The following PDE1C variants were observed in gnomAD, a reference collection of about 807,000 sequenced individuals.
PDE1C encodes dual specificity calcium/calmodulin-dependent 3',5'-cyclic nucleotide phosphodiesterase 1C.
In PDE1C, 62 loss-of-function variants were observed where a neutral mutation model predicts 93.1. The observed-to-expected ratio is 0.67, with a 90% CI of 0.54 to 0.82. The LOEUF is 0.82. Ranked by LOEUF, PDE1C falls within the 40% of genes least tolerant of loss-of-function variation. The probability of loss-of-function intolerance (pLI) is 0.00; values close to 1 mark genes in which losing one functional copy is unlikely to be tolerated. For missense variants in PDE1C, 742 were observed against 884.6 expected, an observed-to-expected ratio of 0.84 and a Z score of 2.04; for synonymous variants, 325 against 310.1, an observed-to-expected ratio of 1.05 and a Z score of -0.50.
intron 6 of PDE1C, among the ~76,000 whole-genome samples, chr7:31,867,108 A>G (rs1021278491): frequency 2.0e-5 from 3 of 152,092 alleles, no homozygotes; most frequent in African/African-American, 7.2e-5. Context: ...CTCTGCCTGC[A>G]GCCACAACTG....
chr7:32,051,791 A>G (rs982346470), intron 1 of PDE1C, among the ~76,000 whole-genome samples: 6 of 152,136 alleles, frequency 3.9e-5, no homozygotes, highest in African/African-American at 1.4e-4. Flanking sequence ...TTAGTAAAAA[A>G]TAGCATCCCA....
intron 2 of PDE1C, among the ~76,000 whole-genome samples, chr7:32,037,646 A>G (rs1791285476): frequency 6.6e-6 from 1 of 152,192 alleles, no homozygotes; most frequent in Admixed American, 6.5e-5. Context: ...TCTTTATCCA[A>G]GAACTTAATA....
intron 1 of PDE1C, among the ~76,000 whole-genome samples, chr7:32,247,730 G>T (rs1809072676): frequency 6.6e-6 from 1 of 152,192 alleles, no homozygotes; most frequent in Non-Finnish European, 1.5e-5. Flanking sequence ...CGGTTTAGAT[G>T]ATTTTGCCCA....
intron 3 of PDE1C, among the ~76,000 whole-genome samples, chr7:32,129,085 C>A (rs1799770621): frequency 6.6e-6 from 1 of 150,690 alleles, no homozygotes; most frequent in Admixed American, 6.6e-5. Flanking sequence ...GAATTATTTT[C>A]TACAAAAATA....
intron 8 of PDE1C, among the ~76,000 whole-genome samples, chr7:31,850,137 G>T (rs980504698): frequency 2.0e-5 from 3 of 152,058 alleles, no homozygotes; most frequent in African/African-American, 7.2e-5. Context: ...TACTCCCGGG[G>T]CCCTGTGCCA....
chr7:31,712,962 T>C, the PDE1C span, among the ~76,000 whole-genome samples: 2 of 152,070 alleles, frequency 1.3e-5, no homozygotes, highest in African/African-American at 4.8e-5. Context: ...AAGATGAGAT[T>C]TGGGGGGGAC....
intron 2 of PDE1C, among the ~76,000 whole-genome samples, chr7:32,036,217 C>T (rs1791067010): frequency 6.6e-6 from 1 of 152,134 alleles, no homozygotes; most frequent in Admixed American, 6.6e-5. Flanking sequence ...TCTAAACTAC[C>T]AGGTCAGCTA....
chr7:31,968,092 T>C (rs4397295), intron 2 of PDE1C, among the ~76,000 whole-genome samples: 60,861 of 151,752 alleles, frequency 0.4, 12,701 homozygotes, highest in Admixed American at 0.51. Context: ...CAACATAGTG[T>C]TGGAAGTTCT....
In PDE1C at chr7:31,794,073, C is replaced by CAGAT. The variant is rs1403714502; in HGVS notation, c.1891+14957_1891+14958insATCT. 5.2e-4 allele frequency among the ~76,000 whole-genome samples: 70 copies of CAGAT among 134,128 alleles called. 1 individual carries two copies. Among genetic ancestry groups the CAGAT allele is most frequent in the South Asian group, 7.9e-4 (3 of 3,814 alleles). 88.0% of individuals were successfully genotyped at this position (134,128 alleles called of 152,430 possible). On this transcript the variant is annotated intron_variant, in intron 16 of 17. Coordinates refer to ENST00000396191, the MANE Select transcript of PDE1C (RefSeq NM_001191057.4). ...ACAGACAGACAGACAGACAGACAGACAGACAGACAGACAGACAGATAGATA... is the reference window on the plus strand; with the variant it reads ...ACAGACAGACAGACAGACAGACAGACAGATAGACAGACAGACAGACAGATAGATA...
chr7:32,153,267 T>C (rs1801370530), intron 3 of PDE1C, among the ~76,000 whole-genome samples: 2 of 152,178 alleles, frequency 1.3e-5, no homozygotes, highest in South Asian at 2.1e-4. Flanking sequence ...CATGGACATA[T>C]GGCATCTCGT....
At chr7:32,400,994 C>T (rs60762465) in intron 1 of PDE1C, among the ~76,000 whole-genome samples, 5,899 of 152,270 alleles carry the variant, frequency 0.039, 278 homozygotes, top group African/African-American at 0.12. Flanking sequence ...ATGTGTTTTC[C>T]ATCCAAGCTC....
At chr7:32,077,899 C>T in intron 3 of PDE1C, 1 of 985,276 alleles carries the variant, frequency 1.0e-6, no homozygotes, top group Non-Finnish European at 1.2e-6. Context: ...TGGTGAAGGT[C>T]CAAGAAGTCT....
the PDE1C span, among the ~76,000 whole-genome samples, chr7:31,712,205 G>A: frequency 2.6e-5 from 4 of 152,174 alleles, no homozygotes; most frequent in African/African-American, 9.7e-5. Flanking sequence ...ATATCAACTG[G>A]TTTTGTACCA....
At chr7:32,127,826 T>A (rs978775918) in intron 3 of PDE1C, among the ~76,000 whole-genome samples, 1 of 152,018 alleles carries the variant, frequency 6.6e-6, no homozygotes, top group African/African-American at 2.4e-5. Context: ...AAAGTTAGTA[T>A]AATTTCAACG....
intron 1 of PDE1C, among the ~76,000 whole-genome samples, chr7:32,273,535 C>G (rs1811099327): frequency 6.6e-6 from 1 of 152,202 alleles, no homozygotes; most frequent in South Asian, 2.1e-4. Context: ...TCAGACCCCA[C>G]TGGACTTCCT....
At chr7:31,710,712 G>T in the PDE1C span, among the ~76,000 whole-genome samples, 1 of 152,202 alleles carries the variant, frequency 6.6e-6, no homozygotes, top group Non-Finnish European at 1.5e-5. Context: ...CTCGTAATTT[G>T]TAAGTGTGAA....
intron 17 of PDE1C, 56 bp from the exon 18 acceptor site, chr7:31,753,609 C>T: frequency 6.4e-7 from 1 of 1,557,344 alleles, no homozygotes; most frequent in Non-Finnish European, 8.7e-7. Flanking sequence ...CGACATGCCA[C>T]AACCTAAATA....
chr7:31,815,146 T>C (rs972525025), intron 15 of PDE1C, among the ~76,000 whole-genome samples: 2 of 152,234 alleles, frequency 1.3e-5, no homozygotes, highest in East Asian at 3.9e-4. Flanking sequence ...CCCAAAAAGC[T>C]AATGTGTTTT....
At chr7:31,832,707 C>G (rs1392821476) in intron 11 of PDE1C, among the ~76,000 whole-genome samples, 9 of 152,122 alleles carry the variant, frequency 5.9e-5, no homozygotes, top group Admixed American at 5.9e-4. Context: ...TAGTTCCAGT[C>G]CAATGAGTTA....
Sources: allele counts gnomAD v4.1 joint callset (sites outside exome capture counted in the v4.1 genomes callset), GRCh38; gene constraint gnomAD v4.1.1; transcripts MANE v1.5; gene names NCBI Gene and HGNC (gene_info 2026-07-23, HGNC 2026-07-21).